The following ESF1 variants were observed in gnomAD, a reference collection of about 807,000 sequenced individuals.
The protein encoded by ESF1 is ESF1 nucleolar pre-rRNA processing protein.
In ESF1, 58 loss-of-function variants were observed where a neutral mutation model predicts 92.0. That is an observed-to-expected ratio of 0.63 (90% CI 0.51 to 0.78). The LOEUF (loss-of-function observed/expected upper bound fraction) is 0.78. Ranked by LOEUF, ESF1 falls within the 30% of genes least tolerant of loss-of-function variation. ESF1 has a pLI of 0.00. For missense variants in ESF1, 922 were observed against 989.1 expected (o/e 0.93, Z 0.91); for synonymous variants, 321 against 313.7 (o/e 1.02, Z -0.24).
In ESF1 at chr20:13,714,807, T is replaced by C; in HGVS notation, c.*67A>G. ...AAGATAGCTTTGTTCCCAATAAATA[T>C]TCCCTCCTATTATTTTTGTACATTT... On this transcript the variant is annotated 3_prime_UTR_variant, in exon 14 of 14. Coordinates refer to ENST00000617257, the MANE Select transcript of ESF1 (RefSeq NM_001276380.2). The C allele has an allele frequency of 1.6e-6, 2 of 1,268,580 alleles. No individual in the cohort carries two copies. The allele number at this position is 1,268,580 out of a possible 1,614,324, so 78.6% of individuals were successfully genotyped here.
intron 10 of ESF1, among the ~76,000 whole-genome samples, chr20:13,733,381 ATGTC>A (rs1416774675): frequency 2.6e-5 from 4 of 152,226 alleles, no homozygotes; most frequent in Non-Finnish European, 5.9e-5. Flanking sequence ...TCAAGGAAAA[ATGTC>A]TGTATGTACC....
chr20:13,748,592 A>ATATATATTT (rs1331098586), intron 9 of ESF1, among the ~76,000 whole-genome samples: 1 of 95,740 alleles, frequency 1.0e-5, no homozygotes, highest in African/African-American at 6.4e-5. Context: ...ATATATATAT[A>ATATATATTT]TTTTTTTTTT....
intron 7 of ESF1, among the ~76,000 whole-genome samples, chr20:13,768,363 A>G (rs1477352695): frequency 6.6e-6 from 1 of 152,138 alleles, no homozygotes; most frequent in Non-Finnish European, 1.5e-5. Flanking sequence ...CGGGTGGATC[A>G]CCAGAGGTTG....
intron 9 of ESF1, among the ~76,000 whole-genome samples, chr20:13,737,947 C>A (rs1438690250): frequency 6.6e-6 from 1 of 152,184 alleles, no homozygotes; most frequent in Non-Finnish European, 1.5e-5. Context: ...TGAGCCACCA[C>A]ACTTGGCCGA....
At chr20:13,769,844 T>C (rs1221857626) in intron 7 of ESF1, 63 bp downstream of exon 7, 2 of 1,013,094 alleles carry the variant, frequency 2.0e-6, no homozygotes, top group Non-Finnish European at 3.1e-6. Context: ...CTATAAGTAA[T>C]ATACAAAATC....
chr20:13,776,678 T>A (rs1340412147), intron 2 of ESF1, among the ~76,000 whole-genome samples: 2 of 152,084 alleles, frequency 1.3e-5, no homozygotes, highest in African/African-American at 4.8e-5. Flanking sequence ...AAAATCAATA[T>A]ATAGGAAAAG....
chr20:13,744,494 A>C (rs1019762072), intron 9 of ESF1, among the ~76,000 whole-genome samples: 1 of 152,212 alleles, frequency 6.6e-6, no homozygotes, highest in Non-Finnish European at 1.5e-5. Flanking sequence ...CATCTCACAC[A>C]GGGTGAAAGC....
chr20:13,772,973 A>G (rs1979760660), intron 4 of ESF1, among the ~76,000 whole-genome samples: 1 of 152,242 alleles, frequency 6.6e-6, no homozygotes, highest in Non-Finnish European at 1.5e-5. Flanking sequence ...TGACTGAATT[A>G]GTTTACATGA....
chr20:13,775,198 T>C lies in ESF1; in HGVS notation c.1108A>G (p.Asn370Asp). 6.2e-7 allele frequency: 1 copy of C among 1,609,752 alleles called. No individual in the cohort carries two copies. The highest frequency in any genetic ancestry group is 8.5e-7 in the Non-Finnish European group (1 of 1,178,790). The change falls in exon 4 of 14, where the codon AAT becomes GAT. Residue 370 changes from asparagine to aspartate, a missense_variant. Coordinates refer to ENST00000617257, the MANE Select transcript of ESF1 (RefSeq NM_001276380.2). ...ACACCTCCTTTGGGTTTAAATGAAT[T>C]GAACAGAGCCAGCAAATCTTTTGCC... ...LKAKDLLALF[N>D]SFKPKGGVIF...
chr20:13,774,271 T>C, intron 4 of ESF1, among the ~76,000 whole-genome samples: 1 of 46,700 alleles, frequency 2.1e-5, no homozygotes, highest in African/African-American at 6.6e-5. Context: ...GCATCCCAAA[T>C]CCCAAATCCA....
At position 13,782,639 on chromosome 20, in the gene ESF1, CTT is replaced by C. The variant is rs1568732336; in HGVS notation, c.500_501del (p.Lys167ArgfsTer27). 1.2e-6 allele frequency: 2 copies of C among 1,606,302 alleles called. No individual in the cohort carries two copies. The highest frequency in any genetic ancestry group is 1.7e-5 in the Admixed American group (1 of 58,594). On this transcript the variant is annotated frameshift_variant, in exon 2 of 14. Transcript: ENST00000617257. LOFTEE classifies it high-confidence loss of function. ...GTATGTTGAACAATGTTTTTTTTCTCTTTCTTATTTTTTTGTGTAAATTCTTT... is the reference window on the plus strand; with the variant it reads ...GTATGTTGAACAATGTTTTTTTTCTCTCTTATTTTTTTGTGTAAATTCTTT... ...DSKEFTQKNK[K>X]EKKNIVQHTT... is the part of the protein sequence containing the mutation.
At chr20:13,752,850 G>C (rs764427486) in intron 9 of ESF1, among the ~76,000 whole-genome samples, 15 of 152,136 alleles carry the variant, frequency 9.9e-5, no homozygotes, top group Non-Finnish European at 1.9e-4. Flanking sequence ...GGAAAAAGCA[G>C]AACAAAGGAA....
intron 9 of ESF1, 124 bp downstream of exon 9, chr20:13,759,568 T>A (rs1177802900): frequency 7.8e-7 from 1 of 1,280,862 alleles, no homozygotes; most frequent in Non-Finnish European, 1.0e-6. Context: ...TTAAGTTAGT[T>A]AAATGGTGTA....
intron 9 of ESF1, among the ~76,000 whole-genome samples, chr20:13,740,725 G>C (rs892463721): frequency 6.6e-6 from 1 of 152,152 alleles, no homozygotes; most frequent in African/African-American, 2.4e-5. Flanking sequence ...TGCAACTCTA[G>C]AACACCTAAA....
chr20:13,759,740 T>C lies in ESF1; in HGVS notation c.1780A>G (p.Lys594Glu), dbSNP rs1172407198. 1.9e-6 allele frequency: 3 copies of C among 1,572,234 alleles called. No homozygotes were observed. The South Asian group carries it at 3.6e-5, about 19-fold the overall frequency. ...TCCATATCATTTTCTTTGCCTTTCT[T>C]TTCTTTTTCTTGAATAACCTGCAAG... ...QLLQVIQEKEKKGKENDMEME... is the reference protein window; with the variant it reads ...QLLQVIQEKEEKGKENDMEME... Residue 594 changes from lysine (K) to glutamate (E), a missense_variant, in exon 9 of 14, where the codon AAG (lysine) becomes GAG (glutamate). Transcript: ENST00000617257.
rs1187302704 is a variant in ESF1, at chr20:13,748,590, A to AT, written c.1828+11101dup. 1.8e-3 allele frequency among the ~76,000 whole-genome samples: 162 copies of AT among 90,616 alleles called. 3 individuals are homozygous for AT. The highest frequency in any genetic ancestry group is 3.7e-3 in the Admixed American group (28 of 7,468). The allele number at this position is 90,616 out of a possible 152,430, so 59.4% of individuals were successfully genotyped here. On this transcript the variant is annotated intron_variant, in intron 9 of 13. Transcript: ENST00000617257. ...TGTGTGTGTGTATATATATATATAT[A>AT]TATTTTTTTTTTTTTGAGATGGAGT...
chr20:13,744,882 T>C (rs1374642385), intron 9 of ESF1, among the ~76,000 whole-genome samples: 1 of 152,186 alleles, frequency 6.6e-6, no homozygotes, highest in Non-Finnish European at 1.5e-5. Context: ...AGATTGCATA[T>C]ATTTTGCCTA....
In ESF1 at chr20:13,714,818, T is replaced by C. The variant is rs1302988806; in HGVS notation, c.*56A>G. The C allele has an allele frequency of 3.6e-5, 50 of 1,385,906 alleles. 1 individual carries two copies. The highest frequency in any genetic ancestry group is 4.8e-5 in the Non-Finnish European group (49 of 1,025,362). 85.9% of individuals were successfully genotyped at this position (1,385,906 alleles called of 1,614,324 possible). Reference sequence around the variant, plus strand: ...GTTCCCAATAAATATTCCCTCCTATTATTTTTGTACATTTTAGGAAAAGAT... The same window carrying C: ...GTTCCCAATAAATATTCCCTCCTATCATTTTTGTACATTTTAGGAAAAGAT... On this transcript the variant is annotated 3_prime_UTR_variant, in exon 14 of 14. Transcript: ENST00000617257.
chr20:13,760,466 G>A (rs1158045352), intron 8 of ESF1, among the ~76,000 whole-genome samples: 1 of 151,326 alleles, frequency 6.6e-6, no homozygotes, highest in Non-Finnish European at 1.5e-5. Flanking sequence ...GGGAGGTGAG[G>A]AGCGTCTCTG....
Sources: allele counts gnomAD v4.1 joint callset (sites outside exome capture counted in the v4.1 genomes callset), GRCh38; gene constraint gnomAD v4.1.1; transcripts MANE v1.5; gene names NCBI Gene and HGNC (gene_info 2026-07-23, HGNC 2026-07-21).